CYFIP1: variants seen among roughly 807,000 people sequenced by gnomAD.
CYFIP1 encodes the protein cytoplasmic FMR1 interacting protein 1.
Under a neutral mutation model 163.5 loss-of-function variants are expected in CYFIP1, and 58 were observed. The observed-to-expected ratio is 0.35, with a 90% CI of 0.29 to 0.44. CYFIP1 has a LOEUF of 0.44. Among genes scored for constraint, CYFIP1 ranks in the 20% least tolerant of loss-of-function variants. The pLI is 1.00. For synonymous variants in CYFIP1, 663 were observed against 660.7 expected, an observed-to-expected ratio of 1.00 and a Z score of -0.05; for missense variants, 1,338 against 1,653.8, an observed-to-expected ratio of 0.81 and a Z score of 3.31.
At position 22,892,962 on chromosome 15, in the gene CYFIP1, C is replaced by T; in HGVS notation, c.2604G>A (p.Val868=). The T allele has an allele frequency of 6.2e-7, 1 of 1,612,696 alleles. No individual in the cohort carries two copies. Among genetic ancestry groups the T allele is most frequent in the East Asian group, 2.2e-5 (1 of 44,874 alleles). ...TTTGAAATTCCTGAGAAAATGGTAA[C>T]ACTGTCCGAACAAACCTAAACAAGA... ...NGSTNRFVRT[V]LPFSQEFQRD... Residue 868 remains valine (V), a synonymous_variant, in exon 23 of 31, where the codon GTG becomes GTA. Transcript: ENST00000617928.
intron 1 of CYFIP1, among the ~76,000 whole-genome samples, chr15:22,978,076 G>A (rs1431880837): frequency 6.6e-6 from 1 of 151,858 alleles, no homozygotes; most frequent in Middle Eastern, 3.2e-3. Context: ...ATTTGGCCGG[G>A]CACAGTGGCT....
intron 21 of CYFIP1, chr15:22,904,771 C>G (rs2060513622): frequency 6.6e-6 from 1 of 152,140 alleles, no homozygotes; most frequent in Non-Finnish European, 1.5e-5. Context: ...CCAAATTACG[C>G]TCGTAGAAAA....
intron 29 of CYFIP1, among the ~76,000 whole-genome samples, chr15:22,873,265 G>A (rs933179684): frequency 2.0e-5 from 3 of 151,996 alleles, no homozygotes; most frequent in African/African-American, 7.3e-5. Context: ...CACGCCCAAC[G>A]TGCATACAAT....
intron 1 of CYFIP1, among the ~76,000 whole-genome samples, chr15:22,975,385 G>A (rs576539759): frequency 1.5e-5 from 2 of 135,484 alleles, no homozygotes; most frequent in South Asian, 2.4e-4. Context: ...CAGGAGAATC[G>A]CTTGAACCCG....
At chr15:22,905,273 A>G (rs1404990845) in intron 21 of CYFIP1, 2 of 152,160 alleles carry the variant, frequency 1.3e-5, no homozygotes, top group Admixed American at 6.5e-5. Flanking sequence ...TGCTTTTAAT[A>G]GACACTTTCA....
intron 13 of CYFIP1, 102 bp downstream of exon 13, chr15:22,925,880 A>G: frequency 6.6e-7 from 1 of 1,518,830 alleles, no homozygotes. Flanking sequence ...ACACAGAAGC[A>G]ATGAGTAAAC....
At chr15:22,931,611 G>A in intron 11 of CYFIP1, among the ~76,000 whole-genome samples, 1 of 133,532 alleles carries the variant, frequency 7.5e-6, no homozygotes, top group Middle Eastern at 5.1e-3. Context: ...CACAGTACTA[G>A]ACTAGGAAAT....
intron 11 of CYFIP1, among the ~76,000 whole-genome samples, chr15:22,930,446 G>C (rs969665151): frequency 2.1e-5 from 3 of 140,488 alleles, no homozygotes; most frequent in Non-Finnish European, 3.1e-5. Flanking sequence ...TGTTACCTTA[G>C]ACAATGCCAG....
chr15:22,937,839 A>G (rs2061765012), intron 8 of CYFIP1, among the ~76,000 whole-genome samples: 1 of 152,096 alleles, frequency 6.6e-6, no homozygotes, highest in African/African-American at 2.4e-5. Flanking sequence ...TCCTGACCTC[A>G]AGTGATCCAC....
In CYFIP1 at chr15:22,903,728, A is replaced by G; in HGVS notation, c.2566T>C (p.Cys856Arg). The G allele has an allele frequency of 6.2e-7, 1 of 1,613,828 alleles. No individual in the cohort carries two copies. The highest frequency in any genetic ancestry group is 8.5e-7 in the Non-Finnish European group (1 of 1,180,018). ...CACCGGTTGGTAGAGCCGTTGTAGC[A>G]GTAGTTGGGCAGGAAGTCATAGTTG... Reference protein sequence around the residue: ...ELNYDFLPNYCYNGSTNRFVR... With the variant: ...ELNYDFLPNYRYNGSTNRFVR... The change falls in exon 22 of 31, where the codon TGC becomes CGC. Residue 856 changes from cysteine to arginine, a missense_variant. By Grantham distance (180) the Cys-to-Arg change is radical (BLOSUM62 -3). Coordinates refer to ENST00000617928, the MANE Select transcript of CYFIP1 (RefSeq NM_014608.6).
At chr15:22,952,588 G>A (rs551492951) in intron 1 of CYFIP1, among the ~76,000 whole-genome samples, 98 of 138,442 alleles carry the variant, frequency 7.1e-4, no homozygotes, top group African/African-American at 2.5e-3. Context: ...CCAGGAGGCG[G>A]AGGTTGCAGT....
chr15:22,914,709 G>A lies in CYFIP1; in HGVS notation c.1985+17C>T. On this transcript the variant is annotated intron_variant, in intron 17 of 30. Transcript: ENST00000617928. ...CACCACACACAAAGGCTGGAGACAG[G>A]CCCGCAGGACACGCACTCCATCATC... The A allele has an allele frequency of 6.2e-7, 1 of 1,600,792 alleles. No homozygotes were observed. Among genetic ancestry groups the A allele is most frequent in the Non-Finnish European group, 8.5e-7 (1 of 1,172,666 alleles).
At chr15:22,947,437 G>T in intron 1 of CYFIP1, 146 bp from the exon 2 acceptor site, 1 of 1,146,242 alleles carries the variant, frequency 8.7e-7, no homozygotes. Context: ...TCAGTCCTTG[G>T]GAGTTGCGTG....
chr15:22,970,322 T>C lies in CYFIP1; in HGVS notation c.-7+9965A>G, dbSNP rs531082396. 2.2e-3 allele frequency among the ~76,000 whole-genome samples: 342 copies of C among 152,346 alleles called. 2 individuals are homozygous for C. The highest frequency in any genetic ancestry group is 3.3e-3 in the Non-Finnish European group (225 of 68,018). On this transcript the variant is annotated intron_variant, in intron 1 of 30. Coordinates refer to ENST00000617928, the MANE Select transcript of CYFIP1 (RefSeq NM_014608.6). ...ATACAAACAAATGGAAAGACATCTTTGTTAATGGATTGGAAGACATAATAT... is the reference window on the plus strand; with the variant it reads ...ATACAAACAAATGGAAAGACATCTTCGTTAATGGATTGGAAGACATAATAT...
intron 1 of CYFIP1, among the ~76,000 whole-genome samples, chr15:22,963,955 G>C (rs1197361399): frequency 6.6e-6 from 1 of 152,050 alleles, no homozygotes; most frequent in African/African-American, 2.4e-5. Context: ...TTGCAAAAGA[G>C]CTGGGTTTTG....
At chr15:22,897,518 C>T (rs1234757232) in intron 22 of CYFIP1, among the ~76,000 whole-genome samples, 1 of 151,166 alleles carries the variant, frequency 6.6e-6, no homozygotes, top group Non-Finnish European at 1.5e-5. Flanking sequence ...AAGATAGTCT[C>T]TGTCACCCAG....
intron 13 of CYFIP1, among the ~76,000 whole-genome samples, chr15:22,924,407 G>A (rs1278411510): frequency 2.6e-5 from 4 of 152,178 alleles, no homozygotes; most frequent in African/African-American, 9.7e-5. Flanking sequence ...CTGGGTGACA[G>A]AGCAAGGCTC....
In CYFIP1 at chr15:22,918,874, C is replaced by T; in HGVS notation, c.1360-16G>A. 6.3e-7 allele frequency: 1 copy of T among 1,574,872 alleles called. No homozygotes were observed. On this transcript the variant is annotated splice_polypyrimidine_tract_variant and intron_variant, in intron 13 of 30. Coordinates refer to ENST00000617928, the MANE Select transcript of CYFIP1 (RefSeq NM_014608.6). ...TGGCGATCACCTGCGGGGGACACAG[C>T]AACAGGGACGGCCCTTCTTAGGGAT...
At chr15:22,935,609 G>C (rs1180806662) in intron 9 of CYFIP1, among the ~76,000 whole-genome samples, 3 of 152,050 alleles carry the variant, frequency 2.0e-5, no homozygotes, top group Non-Finnish European at 2.9e-5. Context: ...TCGAGAACGC[G>C]AAAAGGCTAC....
Sources: gnomAD v4.1 joint callset for allele counts (sites outside exome capture counted in the v4.1 genomes callset) on GRCh38, gnomAD v4.1.1 for gene constraint, MANE v1.5 for transcripts, NCBI Gene and HGNC (gene_info 2026-07-23, HGNC 2026-07-21) for gene names.